Variants in FAM89A observed in about 807,000 individuals in gnomAD.
FAM89A encodes the protein family with sequence similarity 89 member A.
Under a neutral mutation model 7.1 loss-of-function variants are expected in FAM89A, and 10 were observed. The ratio of observed to expected loss-of-function variants is 1.40; its 90% CI spans 0.86 to 2.38. FAM89A has a LOEUF of 2.38. FAM89A is among the 30% of genes most tolerant of loss of function. The pLI is 0.00. For missense variants in FAM89A, 276 were observed against 262.8 expected, an observed-to-expected ratio of 1.05 and a Z score of -0.35; for synonymous variants, 157 against 129.3, an observed-to-expected ratio of 1.21 and a Z score of -1.45.
At chr1:231,023,275 C>T (rs1453740450) in intron 1 of FAM89A, among the ~76,000 whole-genome samples, 1 of 152,192 alleles carries the variant, frequency 6.6e-6, no homozygotes, top group African/African-American at 2.4e-5. Flanking sequence ...TTTGACTGCT[C>T]CATAGGTTAT....
At chr1:231,021,284 T>C (rs1277081492) in intron 1 of FAM89A, among the ~76,000 whole-genome samples, 1 of 152,258 alleles carries the variant, frequency 6.6e-6, no homozygotes, top group Non-Finnish European at 1.5e-5. Flanking sequence ...ATTTCTCTTA[T>C]GGAGCTATTA....
At chr1:231,021,546 C>A in intron 1 of FAM89A, 1 of 931,280 alleles carries the variant, frequency 1.1e-6, no homozygotes, top group Non-Finnish European at 1.7e-6. Flanking sequence ...CATTCGACTT[C>A]CCTGCAAACC....
At chr1:231,022,019 G>T in intron 1 of FAM89A, 2 of 1,347,384 alleles carry the variant, frequency 1.5e-6, no homozygotes, top group Non-Finnish European at 1.1e-6. Context: ...TATCTGCATG[G>T]ACAGATATTC....
At chr1:231,022,264 A>G in intron 1 of FAM89A, 1 of 788,792 alleles carries the variant, frequency 1.3e-6, no homozygotes, top group Non-Finnish European at 2.2e-6. Context: ...TGAGCTCAAA[A>G]AGACTGTTTT....
intron 1 of FAM89A, 48 bp from the exon 2 acceptor site, chr1:231,020,174 G>A: frequency 1.3e-6 from 2 of 1,539,872 alleles, no homozygotes; most frequent in Non-Finnish European, 8.7e-7. Flanking sequence ...CAGCACTTGA[G>A]TTTAATTTCA....
chr1:231,032,393 C>A (rs1308786629), intron 1 of FAM89A, among the ~76,000 whole-genome samples: 2 of 127,162 alleles, frequency 1.6e-5, no homozygotes, highest in East Asian at 2.9e-4. Context: ...CCAGCCCCCA[C>A]CCCCCACCCC....
intron 1 of FAM89A, chr1:231,021,605 A>G: frequency 1.4e-6 from 2 of 1,461,252 alleles, no homozygotes; most frequent in Non-Finnish European, 1.9e-6. Flanking sequence ...GGCACCAAAG[A>G]GCACAATGAG....
At chr1:231,020,169 C>A in intron 1 of FAM89A, 43 bp from the exon 2 acceptor site, 1 of 1,549,078 alleles carries the variant, frequency 6.5e-7, no homozygotes, top group Admixed American at 1.9e-5. Context: ...GAAGTCAGCA[C>A]TTGAGTTTAA....
intron 1 of FAM89A, among the ~76,000 whole-genome samples, chr1:231,023,083 G>A (rs554722656): frequency 1.3e-5 from 2 of 152,162 alleles, no homozygotes; most frequent in Non-Finnish European, 2.9e-5. Context: ...TCTGCCCCCC[G>A]TGTAGATACT....
Position 231,039,961 on chromosome 1 carries a change from G to C in FAM89A, c.251C>G (p.Pro84Arg). 1.5e-6 allele frequency: 2 copies of C among 1,367,048 alleles called. No homozygotes were observed. Among genetic ancestry groups the C allele is most frequent in the East Asian group, 3.1e-5 (1 of 32,564 alleles). The allele number at this position is 1,367,048 out of a possible 1,614,324, so 84.7% of individuals were successfully genotyped here. Residue 84 changes from proline to arginine, a missense_variant, in exon 1 of 2, where the codon CCC becomes CGC. Pro to Arg is a moderately radical substitution (Grantham distance 103). Coordinates refer to ENST00000366654, the MANE Select transcript of FAM89A (RefSeq NM_198552.3). ...CAGCGCCAGAGCGGCGTCCAGGTTGGGAGGCTTGGCGGGCAGCGCTGCCGC... is the reference window on the plus strand; with the variant it reads ...CAGCGCCAGAGCGGCGTCCAGGTTGCGAGGCTTGGCGGGCAGCGCTGCCGC... ...ARAAALPAKP[P>R]NLDAALALLR...
chr1:231,035,417 T>C (rs1163330165), intron 1 of FAM89A, among the ~76,000 whole-genome samples: 1 of 152,226 alleles, frequency 6.6e-6, no homozygotes, highest in African/African-American at 2.4e-5. Flanking sequence ...TCAAAGCTAC[T>C]AGACCTTGCT....
At position 231,020,015 on chromosome 1, in the gene FAM89A, A is replaced by T; in HGVS notation, c.403T>A (p.Tyr135Asn). The change falls in exon 2 of 2, where the codon TAC becomes AAC. Residue 135 changes from tyrosine (Y) to asparagine (N), a missense_variant. Coordinates refer to ENST00000366654, the MANE Select transcript of FAM89A (RefSeq NM_198552.3). ...TCGAAGAAGCCGTTCTCCAGAGCGT[A>T]AGTGCAGTCTGGGCTGGAGGCTGCC... ...CQAASSPDCT[Y>N]ALENGFFDEE... The T allele has an allele frequency of 3.1e-6, 5 of 1,614,124 alleles. No individual in the cohort carries two copies. The highest frequency in any genetic ancestry group is 4.2e-6 in the Non-Finnish European group (5 of 1,180,020).
At chr1:231,032,774 G>C (rs976833663) in intron 1 of FAM89A, among the ~76,000 whole-genome samples, 11 of 152,106 alleles carry the variant, frequency 7.2e-5, no homozygotes, top group Non-Finnish European at 1.3e-4. Flanking sequence ...CCTCAGCCTA[G>C]GCTCTCCTGG....
chr1:231,040,240 C>T lies in FAM89A; in HGVS notation c.-29G>A, dbSNP rs1295060901. Reference sequence around the variant, plus strand: ...GCCGCGGCCCGGCCACGCGCCTGCCCCGCTGCAGCGAACCAAGGCTTTCCC... The same window carrying T: ...GCCGCGGCCCGGCCACGCGCCTGCCTCGCTGCAGCGAACCAAGGCTTTCCC... On this transcript the variant is annotated 5_prime_UTR_variant, in exon 1 of 2. Coordinates refer to ENST00000366654, the MANE Select transcript of FAM89A (RefSeq NM_198552.3). 1 of 1,031,418 alleles carries T rather than the reference C, an allele frequency of 9.7e-7. No homozygotes were observed. The highest frequency in any genetic ancestry group is 1.7e-5 in the African/African-American group (1 of 57,818). The allele number at this position is 1,031,418 out of a possible 1,614,324, so 63.9% of individuals were successfully genotyped here.
intron 1 of FAM89A, among the ~76,000 whole-genome samples, chr1:231,029,358 G>A (rs1319031609): frequency 1.3e-5 from 2 of 152,066 alleles, no homozygotes; most frequent in Non-Finnish European, 2.9e-5. Context: ...TGGGTGTGGT[G>A]GTACGTGCCT....
chr1:231,028,507 G>A (rs554549765), intron 1 of FAM89A: 1 of 152,106 alleles, frequency 6.6e-6, no homozygotes, highest in African/African-American at 2.4e-5. Flanking sequence ...GCCACTCTCC[G>A]AGCAGAAGCA....
intron 1 of FAM89A, chr1:231,028,787 C>T (rs1341900629): frequency 3.9e-5 from 6 of 152,308 alleles, no homozygotes. Context: ...CTGCTTCCTT[C>T]CTGATCATTC....
In FAM89A at chr1:231,040,099, G is replaced by A. The variant is rs1180024423; in HGVS notation, c.113C>T (p.Ala38Val). 2 of 1,435,386 alleles carry A rather than the reference G, an allele frequency of 1.4e-6. No homozygotes were observed. Among genetic ancestry groups the A allele is most frequent in the Non-Finnish European group, 9.1e-7 (1 of 1,094,780 alleles). 88.9% of individuals were successfully genotyped at this position (1,435,386 alleles called of 1,614,324 possible). A position where few individuals can be genotyped will look rare whatever the true frequency, so the allele number is the denominator to read the frequency against. ...GCCCCCAGACGCGCCGCCGCCCGAC[G>A]CCGAGTGCAGCAGCCCGCTCAAGCT... ...PKSLSGLLHS[A>V]SGGGASGGWR... The change falls in exon 1 of 2, where the codon GCG becomes GTG. Residue 38 changes from alanine to valine, a missense_variant. Coordinates refer to ENST00000366654, the MANE Select transcript of FAM89A (RefSeq NM_198552.3).
chr1:231,029,042 G>A (rs982190337), intron 1 of FAM89A, among the ~76,000 whole-genome samples: 1 of 152,152 alleles, frequency 6.6e-6, no homozygotes, highest in Non-Finnish European at 1.5e-5. Flanking sequence ...GAGGCTGCAT[G>A]GGGGAGAGAG....
Sources: gnomAD v4.1 joint callset for allele counts (sites outside exome capture counted in the v4.1 genomes callset) on GRCh38, gnomAD v4.1.1 for gene constraint, MANE v1.5 for transcripts, NCBI Gene and HGNC (gene_info 2026-07-23, HGNC 2026-07-21) for gene names.